The following RPGR variants were observed in gnomAD, a reference collection of about 807,000 sequenced individuals.
RPGR encodes the protein retinitis pigmentosa GTPase regulator.
Under a neutral mutation model 56.3 loss-of-function variants are expected in RPGR, and 10 were observed. That is an observed-to-expected ratio of 0.18 (90% CI 0.11 to 0.30). The LOEUF (loss-of-function observed/expected upper bound fraction) is 0.30. Among genes scored for constraint, RPGR ranks in the 10% least tolerant of loss-of-function variants. The probability of loss-of-function intolerance (pLI) is 1.00; values close to 1 mark genes in which losing one functional copy is unlikely to be tolerated. For missense variants in RPGR, 538 were observed against 590.9 expected (o/e 0.91, Z 0.93); for synonymous variants, 197 against 212.9 (o/e 0.93, Z 0.65).
intron 15 of RPGR, chrX:38,286,888 T>C: frequency 8.3e-7 from 1 of 1,206,637 alleles, no homozygotes; most frequent in South Asian, 1.8e-5. Flanking sequence ...CCCATCCCTC[T>C]TCTTCCATTC....
chrX:38,287,533 C>A (rs756604501), intron 14 of RPGR: 8 of 509,823 alleles, frequency 1.6e-5, no homozygotes, highest in Non-Finnish European at 2.5e-5. Flanking sequence ...GCAACTTTCC[C>A]TTTTCTTAAC....
intron 8 of RPGR, among the ~76,000 whole-genome samples, chrX:38,303,033 C>T (rs59818652): frequency 0.03 from 3,303 of 111,069 alleles, 73 homozygotes; most frequent in African/African-American, 0.082. Context: ...TAGACTCTTA[C>T]AATTCTTACT....
chrX:38,285,997 T>G, intron 15 of RPGR: 1 of 921,920 alleles, frequency 1.1e-6, no homozygotes, highest in Non-Finnish European at 1.4e-6. Context: ...CTCTCCTTCT[T>G]CCTCCCCTTC....
chrX:38,303,798 C>G, intron 8 of RPGR: 1 of 296,643 alleles, frequency 3.4e-6, no homozygotes. Flanking sequence ...TTTTCAGGAG[C>G]TTTTTCATAG....
chrX:38,271,648 C>T (rs2066842340), intron 18 of RPGR, among the ~76,000 whole-genome samples: 1 of 111,759 alleles, frequency 8.9e-6, no homozygotes, highest in African/African-American at 3.3e-5. Flanking sequence ...TAAAGTGGTC[C>T]TTCAGTCACT....
intron 1 of RPGR, among the ~76,000 whole-genome samples, chrX:38,325,169 G>A (rs1342136947): frequency 1.0e-4 from 9 of 87,995 alleles, no homozygotes; most frequent in Non-Finnish European, 1.3e-4. Flanking sequence ...CTGTGACTCC[G>A]TCTCAAAAAA....
chrX:38,298,545 C>A (rs2067439868), intron 10 of RPGR: 1 of 239,196 alleles, frequency 4.2e-6, no homozygotes, highest in Non-Finnish European at 7.6e-6. Flanking sequence ...TACCGTATTG[C>A]ACACTTAAAA....
chrX:38,297,390 G>A lies in RPGR; in HGVS notation c.1308C>T (p.Gly436=). 1.7e-6 allele frequency: 2 copies of A among 1,208,386 alleles called. No individual in the cohort carries two copies. The highest frequency in any genetic ancestry group is 2.2e-6 in the Non-Finnish European group (2 of 893,524). Residue 436 remains glycine (G), a synonymous_variant, in exon 11 of 19, where the codon GGC becomes GGT. Transcript: ENST00000642395. Reference sequence around the variant, plus strand: ...AATTGGGGAGAAAACAAGCAGAAAGGCCAAGAGTCCCTTCTATTGGAGGTA... The same window carrying A: ...AATTGGGGAGAAAACAAGCAGAAAGACCAAGAGTCCCTTCTATTGGAGGTA...
chrX:38,286,905 C>A lies in RPGR; in HGVS notation c.1905+189G>T, dbSNP rs377524122. 3.3e-6 allele frequency: 4 copies of A among 1,208,189 alleles called. No homozygotes were observed. Among genetic ancestry groups the A allele is most frequent in the East Asian group, 3.0e-5 (1 of 33,672 alleles). On this transcript the variant is annotated intron_variant, in intron 15 of 18. Transcript: ENST00000642395. Reference sequence around the variant, plus strand: ...CATCCCTCTTCTTCCATTCTTCCTTCTCTGCTAGTTCCTTCTCTCCCTCTC... The same window carrying A: ...CATCCCTCTTCTTCCATTCTTCCTTATCTGCTAGTTCCTTCTCTCCCTCTC...
At position 38,297,218 on chromosome X, in the gene RPGR, A is replaced by G. The variant is rs149312408; in HGVS notation, c.1414+66T>C. On this transcript the variant is annotated intron_variant, in intron 11 of 18. Transcript: ENST00000642395. ...ATAACTGGAGAAAACATCTTAAGAT[A>G]AACATAAAAACTACAGGAATAAAAG... 2.3e-3 allele frequency: 2,493 copies of G among 1,071,531 alleles called. 37 individuals carry two copies. The African/African-American group carries it at 0.039, about 17-fold the overall frequency. 88.3% of individuals were successfully genotyped at this position (1,071,531 alleles called of 1,213,427 possible).
chrX:38,303,940 G>A (rs1287255653), intron 8 of RPGR: 3 of 281,634 alleles, frequency 1.1e-5, no homozygotes, highest in East Asian at 5.0e-5. Context: ...TTATATACCC[G>A]TTTGTCACAA....
intron 15 of RPGR, chrX:38,285,293 A>G: frequency 9.6e-7 from 1 of 1,041,268 alleles, no homozygotes; most frequent in Non-Finnish European, 1.2e-6. Flanking sequence ...ACCTTTTAAT[A>G]TTTTCTAGTT....
chrX:38,278,000 C>T (rs748349385), intron 15 of RPGR, among the ~76,000 whole-genome samples: 5 of 111,677 alleles, frequency 4.5e-5, no homozygotes, highest in Admixed American at 2.8e-4. Context: ...GACAGGAAGC[C>T]CTAAGTAAAT....
intron 1 of RPGR, among the ~76,000 whole-genome samples, chrX:38,323,839 T>C (rs1415723491): frequency 8.9e-6 from 1 of 112,450 alleles, no homozygotes. Flanking sequence ...TAGATGTCTA[T>C]TCCCTGGAAT....
chrX:38,269,681 T>A lies in RPGR; in HGVS notation c.2393A>T (p.Gln798Leu), dbSNP rs2066796760. 3 of 1,207,656 alleles carry A rather than the reference T, an allele frequency of 2.5e-6. No homozygotes were observed. Among genetic ancestry groups the A allele is most frequent in the Non-Finnish European group, 3.4e-6 (3 of 893,200 alleles). Residue 798 changes from glutamine to leucine, a missense_variant, in exon 19 of 19, where the codon CAG (glutamine) becomes CTG (leucine). Physicochemically the swap from Gln to Leu is moderately radical, Grantham distance 113. This residue lies in a region of RPGR where 357 missense variants were observed against 325.8 expected (regional missense o/e 1.10). Transcript: ENST00000642395. ...CTCTGTATTTGTTGGTGGGATATTC[T>A]GATGATTCTGACTCATGTGGTTCTG...
chrX:38,324,228 C>T (rs928569505), intron 1 of RPGR, among the ~76,000 whole-genome samples: 2 of 111,490 alleles, frequency 1.8e-5, no homozygotes, highest in Admixed American at 9.5e-5. Flanking sequence ...GGACTATAGG[C>T]GTGTGCCACC....
intron 4 of RPGR, 31 bp from the exon 5 acceptor site, chrX:38,319,018 T>C (rs964888612): frequency 5.8e-6 from 7 of 1,198,999 alleles, no homozygotes; most frequent in South Asian, 1.8e-5. Flanking sequence ...GTCAATAGAC[T>C]ATAGAGTCCC....
chrX:38,282,123 T>C (rs2067043571), intron 15 of RPGR, among the ~76,000 whole-genome samples: 1 of 111,629 alleles, frequency 9.0e-6, no homozygotes, highest in Admixed American at 9.5e-5. Context: ...AAATTAAATA[T>C]CTATATCTGA....
At chrX:38,320,970 G>A in intron 4 of RPGR, 57 bp downstream of exon 4, 1 of 892,124 alleles carries the variant, frequency 1.1e-6, no homozygotes. Flanking sequence ...CACGTTACTG[G>A]AATGAGACCT....
Sources: gnomAD v4.1 joint callset for allele counts (sites outside exome capture counted in the v4.1 genomes callset) on GRCh38, gnomAD v4.1.1 for gene constraint, gnomAD v4.1.1 regional missense constraint, MANE v1.5 for transcripts, NCBI Gene and HGNC (gene_info 2026-07-23, HGNC 2026-07-21) for gene names.